The following RAPGEF4 variants were observed in gnomAD, a reference collection of about 807,000 sequenced individuals.
The protein encoded by RAPGEF4 is Rap guanine nucleotide exchange factor 4, also known as RAP guanine-nucleotide-exchange factor (GEF) 4.
A neutral mutation model predicts 147.9 loss-of-function variants in RAPGEF4; 66 were observed. The observed-to-expected ratio is 0.45, with a 90% CI of 0.37 to 0.55. The LOEUF is 0.55. Ranked by LOEUF, RAPGEF4 falls within the 20% of genes least tolerant of loss-of-function variation. The probability of loss-of-function intolerance (pLI) is 0.00; values close to 1 mark genes in which losing one functional copy is unlikely to be tolerated. For missense variants in RAPGEF4, 1,071 were observed against 1,257.3 expected (o/e 0.85, Z 2.24); for synonymous variants, 419 against 442.7 (o/e 0.95, Z 0.67).
At chr2:172,998,858 C>T (rs1254232354) in intron 16 of RAPGEF4, among the ~76,000 whole-genome samples, 1 of 151,908 alleles carries the variant, frequency 6.6e-6, no homozygotes, top group Non-Finnish European at 1.5e-5. Flanking sequence ...TATATTGACT[C>T]AAAAAAATAT....
intron 17 of RAPGEF4, among the ~76,000 whole-genome samples, chr2:173,007,395 CACAA>C (rs1404589346): frequency 1.3e-5 from 2 of 152,158 alleles, no homozygotes; most frequent in African/African-American, 4.8e-5. Flanking sequence ...AGTAGGTACA[CACAA>C]ACAAAGGAGC....
At chr2:172,875,804 G>A (rs1695848182) in intron 4 of RAPGEF4, among the ~76,000 whole-genome samples, 2 of 152,114 alleles carry the variant, frequency 1.3e-5, no homozygotes, top group Non-Finnish European at 2.9e-5. Context: ...AGCTTGATGG[G>A]GATGGCATTG....
At chr2:172,775,281 T>A (rs1254642267) in intron 1 of RAPGEF4, among the ~76,000 whole-genome samples, 1 of 152,238 alleles carries the variant, frequency 6.6e-6, no homozygotes, top group African/African-American at 2.4e-5. Context: ...TTCCTGGCAG[T>A]TATAATTAAA....
chr2:172,840,366 C>T (rs1263433070), intron 4 of RAPGEF4, among the ~76,000 whole-genome samples: 1 of 152,220 alleles, frequency 6.6e-6, no homozygotes, highest in Non-Finnish European at 1.5e-5. Flanking sequence ...CCCAACAGGA[C>T]AGATTAGCCA....
chr2:172,779,051 T>G (rs559427200), intron 1 of RAPGEF4, among the ~76,000 whole-genome samples: 1 of 152,358 alleles, frequency 6.6e-6, no homozygotes, highest in East Asian at 1.9e-4. Context: ...TGATTATACA[T>G]TCTCATGTAC....
At chr2:172,967,199 T>C (rs1446343668) in intron 9 of RAPGEF4, 62 bp from the exon 10 acceptor site, 3 of 1,512,562 alleles carry the variant, frequency 2.0e-6, no homozygotes, top group Non-Finnish European at 2.7e-6. Context: ...CATTTGTTTC[T>C]AGTAAACGGA....
At chr2:173,010,949 G>T (rs1694939654) in intron 17 of RAPGEF4, among the ~76,000 whole-genome samples, 1 of 152,158 alleles carries the variant, frequency 6.6e-6, no homozygotes, top group Non-Finnish European at 1.5e-5. Context: ...GGACAAATGA[G>T]ACTTTGTGAA....
intron 1 of RAPGEF4, among the ~76,000 whole-genome samples, chr2:172,789,972 A>C (rs1368340796): frequency 6.6e-6 from 1 of 152,232 alleles, no homozygotes; most frequent in Non-Finnish European, 1.5e-5. Context: ...CTTTCAGATA[A>C]ATACCCAGAA....
At chr2:172,861,634 T>C (rs1319416803) in intron 4 of RAPGEF4, among the ~76,000 whole-genome samples, 2 of 152,224 alleles carry the variant, frequency 1.3e-5, no homozygotes, top group Non-Finnish European at 2.9e-5. Flanking sequence ...TTCCATCTTG[T>C]CCTAATTAGA....
intron 4 of RAPGEF4, among the ~76,000 whole-genome samples, chr2:172,887,689 C>G (rs1263779904): frequency 6.6e-6 from 1 of 152,196 alleles, no homozygotes; most frequent in African/African-American, 2.4e-5. Flanking sequence ...CTGATCGCTG[C>G]TGCAGGAAGC....
At chr2:172,978,198 A>C (rs1411050437) in intron 10 of RAPGEF4, among the ~76,000 whole-genome samples, 6 of 149,144 alleles carry the variant, frequency 4.0e-5, no homozygotes, top group African/African-American at 1.3e-4. Context: ...TAGTGGTCAC[A>C]CCCCCCCCAG....
chr2:172,968,307 G>A (rs971745412), intron 10 of RAPGEF4, among the ~76,000 whole-genome samples: 1 of 152,152 alleles, frequency 6.6e-6, no homozygotes, highest in Non-Finnish European at 1.5e-5. Context: ...TCTGAGTCAT[G>A]TTTGGCCGAC....
intron 3 of RAPGEF4, among the ~76,000 whole-genome samples, chr2:172,798,463 G>A (rs991192568): frequency 1.3e-5 from 2 of 151,836 alleles, no homozygotes; most frequent in African/African-American, 2.4e-5. Context: ...CCACCATCAG[G>A]TATCACTATG....
intron 1 of RAPGEF4, among the ~76,000 whole-genome samples, chr2:172,783,708 G>A (rs115308787): frequency 5.0e-4 from 76 of 152,112 alleles, no homozygotes; most frequent in Admixed American, 9.8e-4. Flanking sequence ...ATGTATCTCT[G>A]TAGGCATGTT....
chr2:172,838,074 A>G (rs2149692950), intron 4 of RAPGEF4, among the ~76,000 whole-genome samples: 1 of 152,330 alleles, frequency 6.6e-6, no homozygotes, highest in African/African-American at 2.4e-5. Flanking sequence ...TTAGAATACC[A>G]GAAGAATACC....
In RAPGEF4 at chr2:172,814,345, C is replaced by T; in HGVS notation, c.364C>T (p.Pro122Ser). Residue 122 changes from proline (P) to serine (S), a missense_variant, in exon 4 of 31, where the codon CCC becomes TCC. Transcript: ENST00000397081. The stretch of plus-strand genomic sequence containing the variant: ...TGGAGAGTCCATTCTGGACAACACA[C>T]CCCGCCATGCAACCATCGTTACCAG... ...AFGESILDNTPRHATIVTRES... is the reference protein window; with the variant it reads ...AFGESILDNTSRHATIVTRES... 3 of 1,614,162 alleles carry T rather than the reference C, an allele frequency of 1.9e-6. No homozygotes were observed. The highest frequency in any genetic ancestry group is 1.1e-5 in the South Asian group (1 of 91,080).
chr2:172,964,835 C>T (rs1163572886), intron 8 of RAPGEF4, among the ~76,000 whole-genome samples: 2 of 152,190 alleles, frequency 1.3e-5, no homozygotes, highest in African/African-American at 2.4e-5. Flanking sequence ...AGTGTATATA[C>T]TTATGCATTT....
intron 1 of RAPGEF4, among the ~76,000 whole-genome samples, chr2:172,737,604 C>A (rs1693917958): frequency 6.6e-6 from 1 of 152,064 alleles, no homozygotes; most frequent in African/African-American, 2.4e-5. Flanking sequence ...TCGACTCTCT[C>A]TTTTCATAAT....
intron 1 of RAPGEF4, among the ~76,000 whole-genome samples, chr2:172,778,822 A>G (rs1196045254): frequency 6.6e-6 from 1 of 152,220 alleles, no homozygotes; most frequent in Non-Finnish European, 1.5e-5. Context: ...AGTGAAAGGG[A>G]TCTCACAGGA....
Sources: gnomAD v4.1 joint callset for allele counts (sites outside exome capture counted in the v4.1 genomes callset) on GRCh38, gnomAD v4.1.1 for gene constraint, MANE v1.5 for transcripts, NCBI Gene and HGNC (gene_info 2026-07-23, HGNC 2026-07-21) for gene names.